TEX2: variants seen among roughly 807,000 people sequenced by gnomAD.
The protein encoded by TEX2 is testis expressed 2.
A neutral mutation model predicts 106.9 loss-of-function variants in TEX2; 53 were observed. That is an observed-to-expected ratio of 0.50 (90% CI 0.40 to 0.62). TEX2 has a LOEUF of 0.62. Among genes scored for constraint, TEX2 ranks in the 20% least tolerant of loss-of-function variants. TEX2 has a pLI of 0.00. For missense variants in TEX2, 1,207 were observed against 1,379.0 expected (o/e 0.88, Z 1.98); for synonymous variants, 523 against 534.8 (o/e 0.98, Z 0.30).
chr17:64,182,722 A>G (rs964082495), intron 5 of TEX2, among the ~76,000 whole-genome samples: 4 of 152,102 alleles, frequency 2.6e-5, no homozygotes, highest in African/African-American at 9.7e-5. Context: ...AAGTCATACA[A>G]TGTGTTCTTT....
At chr17:64,154,817 G>A in intron 9 of TEX2, 25 bp downstream of exon 9, 1 of 1,550,634 alleles carries the variant, frequency 6.4e-7, no homozygotes, top group Non-Finnish European at 8.7e-7. Flanking sequence ...GAGACTCAGA[G>A]GCACAGAAGC....
At chr17:64,191,749 C>T (rs1236875898) in intron 4 of TEX2, among the ~76,000 whole-genome samples, 34 of 138,460 alleles carry the variant, frequency 2.5e-4, no homozygotes, top group Non-Finnish European at 4.1e-4. Context: ...ACCTGGGAGG[C>T]GGAGGTTGCA....
chr17:64,259,897 T>C (rs1270920197), intron 1 of TEX2, among the ~76,000 whole-genome samples: 1 of 152,206 alleles, frequency 6.6e-6, no homozygotes, highest in East Asian at 1.9e-4. Flanking sequence ...ACCCCATACA[T>C]TACAAGATGC....
chr17:64,147,785 T>TA lies in TEX2; in HGVS notation c.*1183dup, dbSNP rs1200092211. ...AGTCATGTTCAGGCAAGGTGCTGTT[T>TA]AAAAAACCACTATTAGCTTTGTCCA... is the stretch of plus-strand genomic sequence containing the variant. On this transcript the variant is annotated 3_prime_UTR_variant, in exon 12 of 12. Transcript: ENST00000584379. 11 of 152,746 alleles carry TA rather than the reference T, an allele frequency of 7.2e-5. No individual in the cohort carries two copies. The highest frequency in any genetic ancestry group is 4.1e-4 in the South Asian group (2 of 4,828). 9.5% of individuals were successfully genotyped at this position (152,746 alleles called of 1,614,324 possible). A position where few individuals can be genotyped will look rare whatever the true frequency, so the allele number is the denominator to read the frequency against.
At chr17:64,210,359 C>T (rs1230056815) in intron 2 of TEX2, among the ~76,000 whole-genome samples, 1 of 152,046 alleles carries the variant, frequency 6.6e-6, no homozygotes, top group East Asian at 1.9e-4. Flanking sequence ...ATATATGATC[C>T]TATTAAATCA....
At chr17:64,152,835 T>G in intron 10 of TEX2, 110 bp downstream of exon 10, 2 of 1,113,324 alleles carry the variant, frequency 1.8e-6, no homozygotes, top group Non-Finnish European at 2.6e-6. Flanking sequence ...TTGGAAGTGC[T>G]TCTGCCCGGG....
intron 1 of TEX2, among the ~76,000 whole-genome samples, chr17:64,243,050 TCCCGAGTAGCTGGGACTACAG>T (rs1407031674): frequency 6.6e-6 from 1 of 151,858 alleles, no homozygotes; most frequent in African/African-American, 2.4e-5. Context: ...TGCCTCCGCC[TCCCGAGTAGCTGGGACTACAG>T]GCGCACACCA....
intron 6 of TEX2, among the ~76,000 whole-genome samples, chr17:64,175,383 C>T (rs1209077714): frequency 1.3e-5 from 2 of 152,162 alleles, no homozygotes; most frequent in Admixed American, 6.6e-5. Flanking sequence ...CCTTTTAGTA[C>T]TTCTGACCTC....
chr17:64,193,866 C>A lies in TEX2; in HGVS notation c.1869G>T (p.Leu623Phe). The A allele has an allele frequency of 6.4e-7, 1 of 1,559,390 alleles. No homozygotes were observed. Among genetic ancestry groups the A allele is most frequent in the East Asian group, 2.3e-5 (1 of 43,502 alleles). ...TTTTATTCCAGATTCGCTTTCGAGCCAAAGTTTTAGGTACAAGATAAATCT... is the reference window on the plus strand; with the variant it reads ...TTTTATTCCAGATTCGCTTTCGAGCAAAAGTTTTAGGTACAAGATAAATCT... ...DSKIYLVPKT[L>F]ARKRIWNKKY... The change falls in exon 4 of 12, where the codon TTG becomes TTT. Residue 623 changes from leucine (L) to phenylalanine (F), a missense_variant. By Grantham distance (22) the Leu-to-Phe change is conservative (BLOSUM62 0). Around this residue, in one of 3 missense-constraint regions of TEX2, gnomAD observed 1,067 missense variants for 1,193.6 expected, o/e 0.89. Coordinates refer to ENST00000584379, the MANE Select transcript of TEX2 (RefSeq NM_001288732.2).
chr17:64,231,697 C>T (rs782535982), intron 1 of TEX2, among the ~76,000 whole-genome samples: 2 of 152,160 alleles, frequency 1.3e-5, no homozygotes, highest in Non-Finnish European at 2.9e-5. Context: ...GCACAGAAAA[C>T]CTGGTTAAGA....
Position 64,213,803 on chromosome 17 carries a change from A to T in TEX2, c.415T>A (p.Ser139Thr), listed in dbSNP as rs368868113. 5.9e-5 allele frequency: 95 copies of T among 1,614,178 alleles called. No homozygotes were observed. Among genetic ancestry groups the T allele is most frequent in the South Asian group, 2.9e-4 (26 of 91,080 alleles). ...GAGCTAGCTAAGGGCCCCGACGAAGACGACCCTGGGGACACAGCCAATGGC... is the reference window on the plus strand; with the variant it reads ...GAGCTAGCTAAGGGCCCCGACGAAGTCGACCCTGGGGACACAGCCAATGGC... ...TVPLAVSPGSSSSGPLASSPS... is the reference protein window; with the variant it reads ...TVPLAVSPGSTSSGPLASSPS... Residue 139 changes from serine (S) to threonine (T), a missense_variant, in exon 2 of 12, where the codon TCT becomes ACT. This residue lies in a region of TEX2 where 1,067 missense variants were observed against 1,193.6 expected (regional missense o/e 0.89). Coordinates refer to ENST00000584379, the MANE Select transcript of TEX2 (RefSeq NM_001288732.2). The surrounding 1 kb of genome is among the most constrained non-coding windows in gnomAD (Gnocchi z 4.4).
intron 1 of TEX2, among the ~76,000 whole-genome samples, chr17:64,257,715 C>T (rs4968711): frequency 0.8 from 122,327 of 152,118 alleles, 49,391 homozygotes; most frequent in Middle Eastern, 0.89. Context: ...TACTTAATAA[C>T]AGCCCCAAAG....
intron 4 of TEX2, among the ~76,000 whole-genome samples, chr17:64,189,072 CTAAT>C (rs891098332): frequency 4.6e-5 from 7 of 151,354 alleles, no homozygotes; most frequent in Admixed American, 4.6e-4. Flanking sequence ...GGGTAGAGAG[CTAAT>C]TAATTGTTCA....
intron 7 of TEX2, among the ~76,000 whole-genome samples, chr17:64,164,953 C>T (rs1372406916): frequency 6.6e-6 from 1 of 152,224 alleles, no homozygotes; most frequent in Non-Finnish European, 1.5e-5. Context: ...ATCTGTCTCA[C>T]TGGAGTAGGC....
At chr17:64,164,766 G>C (rs778399849) in intron 7 of TEX2, among the ~76,000 whole-genome samples, 1 of 152,222 alleles carries the variant, frequency 6.6e-6, no homozygotes, top group Non-Finnish European at 1.5e-5. Context: ...ATGCCAGTTG[G>C]TATCATAAAA....
chr17:64,243,677 A>G (rs1209331416), intron 1 of TEX2, among the ~76,000 whole-genome samples: 2 of 152,224 alleles, frequency 1.3e-5, no homozygotes, highest in Non-Finnish European at 2.9e-5. Context: ...CTTATTTTAA[A>G]TGAAGGGTTC....
At chr17:64,202,149 A>C (rs2143963651) in intron 2 of TEX2, among the ~76,000 whole-genome samples, 1 of 152,350 alleles carries the variant, frequency 6.6e-6, no homozygotes, top group East Asian at 1.9e-4. Context: ...AAAGATTTTC[A>C]GGACAGAAAT....
In TEX2 at chr17:64,149,007, G is replaced by A; in HGVS notation, c.3346C>T (p.Leu1116=). Residue 1116 remains leucine (L), a synonymous_variant, in exon 12 of 12, where the codon CTG becomes TTG. Coordinates refer to ENST00000584379, the MANE Select transcript of TEX2 (RefSeq NM_001288732.2). ...GCAGCCTCCACAGGTGGGTCTTTCA[G>A]GAGGCAGGAAGTAGAGCGAGGGTCC... ...AMDPRSTSCL[L]KDPPVEAADQ... 6.2e-7 allele frequency: 1 copy of A among 1,614,216 alleles called. No individual in the cohort carries two copies. The highest frequency in any genetic ancestry group is 8.5e-7 in the Non-Finnish European group (1 of 1,180,028).
intron 1 of TEX2, among the ~76,000 whole-genome samples, chr17:64,224,225 T>C (rs1160340586): frequency 6.6e-6 from 1 of 152,200 alleles, no homozygotes; most frequent in African/African-American, 2.4e-5. Flanking sequence ...TTCTTACCTG[T>C]GCATTTTTTA....
Sources: allele counts gnomAD v4.1 joint callset (sites outside exome capture counted in the v4.1 genomes callset), GRCh38; gene constraint gnomAD v4.1.1; regional missense constraint gnomAD v4.1.1; non-coding constraint Gnocchi (gnomAD v3.1); transcripts MANE v1.5; gene names NCBI Gene and HGNC (gene_info 2026-07-23, HGNC 2026-07-21).